The following ARRB1 variants were observed in gnomAD, a reference collection of about 807,000 sequenced individuals.
ARRB1 encodes the protein beta-arrestin-1.
In ARRB1, 21 loss-of-function variants were observed where a neutral mutation model predicts 56.8. The ratio of observed to expected loss-of-function variants is 0.37; its 90% CI spans 0.26 to 0.53. ARRB1 has a LOEUF of 0.53. ARRB1 is among the 20% of genes least tolerant of loss of function. The probability of loss-of-function intolerance (pLI) is 0.88; values close to 1 mark genes in which losing one functional copy is unlikely to be tolerated. For synonymous variants in ARRB1, 210 were observed against 218.6 expected (o/e 0.96, Z 0.35); for missense variants, 424 against 553.7 (o/e 0.77, Z 2.35).
At chr11:75,296,140 C>T (rs146156577) in intron 1 of ARRB1, among the ~76,000 whole-genome samples, 45 of 139,818 alleles carry the variant, frequency 3.2e-4, no homozygotes, top group African/African-American at 1.2e-3. Flanking sequence ...AAGCTGAGAT[C>T]GCACCACTGC....
intron 1 of ARRB1, among the ~76,000 whole-genome samples, chr11:75,296,533 C>T (rs1234891314): frequency 6.6e-6 from 1 of 152,182 alleles, no homozygotes; most frequent in African/African-American, 2.4e-5. Flanking sequence ...CACTGCTCTT[C>T]TGTGAGCCAT....
intron 1 of ARRB1, among the ~76,000 whole-genome samples, chr11:75,342,747 G>A (rs1029295171): frequency 3.9e-5 from 6 of 152,158 alleles, no homozygotes; most frequent in East Asian, 3.9e-4. Flanking sequence ...CTCCGTGGCC[G>A]GGGCACCTAT....
chr11:75,274,518 G>A (rs970549833), intron 10 of ARRB1: 35 of 259,024 alleles, frequency 1.4e-4, no homozygotes, highest in Non-Finnish European at 2.5e-4. Context: ...CCAGCCGGGT[G>A]CAGTGGCTCA....
At chr11:75,293,847 T>C (rs966334206) in intron 1 of ARRB1, among the ~76,000 whole-genome samples, 2 of 152,264 alleles carry the variant, frequency 1.3e-5, no homozygotes, top group African/African-American at 4.8e-5. Flanking sequence ...GCAGTCTCAC[T>C]CTCTCTGCAC....
chr11:75,336,742 C>T (rs962252003), intron 1 of ARRB1, among the ~76,000 whole-genome samples: 5 of 152,146 alleles, frequency 3.3e-5, no homozygotes, highest in African/African-American at 1.2e-4. Context: ...AACTTCCAGT[C>T]GGAGAGTGGC....
chr11:75,262,292 C>T lies in ARRB1; in HGVS notation c.*3871G>A, dbSNP rs1411089185. The T allele has an allele frequency of 6.6e-6, 1 of 152,212 alleles. No individual in the cohort carries two copies. The highest frequency in any genetic ancestry group is 1.5e-5 in the Non-Finnish European group (1 of 68,056). The allele number at this position is 152,212 out of a possible 1,614,324, so 9.4% of individuals were successfully genotyped here. On this transcript the variant is annotated 3_prime_UTR_variant, in exon 16 of 16. Transcript: ENST00000420843. ...GGTCTGAGAGATGGGAGATGTGACA[C>T]CAGGCCTAGGAGGGTCCAAGATGTC...
At chr11:75,348,229 A>T (rs1947801300) in intron 1 of ARRB1, among the ~76,000 whole-genome samples, 2 of 152,134 alleles carry the variant, frequency 1.3e-5, no homozygotes, top group South Asian at 4.1e-4. Context: ...GCCACTGCAC[A>T]TTCTGCACCC....
In ARRB1 at chr11:75,287,214, G is replaced by A. The variant is rs562314597; in HGVS notation, c.112+101C>T. ...CTGAAGCAGGAAGCCATTCACCCCC[G>A]TTCTTGGCACCGGGCCCCTCTGGAG... On this transcript the variant is annotated intron_variant, in intron 3 of 15. Coordinates refer to ENST00000420843, the MANE Select transcript of ARRB1 (RefSeq NM_004041.5). 73 of 1,276,222 alleles carry A rather than the reference G, an allele frequency of 5.7e-5. No individual in the cohort carries two copies. In the East Asian group the frequency reaches 6.2e-4, roughly 11 times the overall value. 79.1% of individuals were successfully genotyped at this position (1,276,222 alleles called of 1,614,324 possible).
chr11:75,262,906 C>T lies in ARRB1; in HGVS notation c.*3257G>A, dbSNP rs1945829937. ...TGAGCTTTGAGGCTGAGGAGAGGTG[C>T]AGCCAAATAACTCAGTCCTTATCTT... On this transcript the variant is annotated 3_prime_UTR_variant, in exon 16 of 16. Transcript: ENST00000420843. 6.6e-6 allele frequency among the ~76,000 whole-genome samples: 1 copy of T among 152,220 alleles called. No individual in the cohort carries two copies. The highest frequency in any genetic ancestry group is 2.1e-4 in the South Asian group (1 of 4,836).
chr11:75,291,761 G>A lies in ARRB1; in HGVS notation c.21-1722C>T, dbSNP rs34279285. On this transcript the variant is annotated intron_variant, in intron 1 of 15. Transcript: ENST00000420843. The stretch of plus-strand genomic sequence containing the variant: ...ATAGGGACACAGGCCCTGGACGGGC[G>A]AAAATAAAAGATGGAATAAGAGAGG... Among the ~76,000 whole-genome samples the A allele has an allele frequency of 8.5e-3, 1,297 of 152,278 alleles. 10 individuals carry two copies. Among genetic ancestry groups the A allele is most frequent in the African/African-American group, 0.03 (1,242 of 41,554 alleles).
intron 1 of ARRB1, among the ~76,000 whole-genome samples, chr11:75,311,010 A>G (rs1233900727): frequency 6.6e-6 from 1 of 152,178 alleles, no homozygotes; most frequent in Non-Finnish European, 1.5e-5. Flanking sequence ...ACCAATACCC[A>G]GCCTACCAAA....
chr11:75,309,931 C>T (rs1454568416), intron 1 of ARRB1, among the ~76,000 whole-genome samples: 1 of 152,222 alleles, frequency 6.6e-6, no homozygotes, highest in East Asian at 1.9e-4. Context: ...ATGCAACCCC[C>T]AAACCTTCCA....
At chr11:75,284,319 G>A in intron 3 of ARRB1, 40 bp from the exon 4 acceptor site, 2 of 1,569,936 alleles carry the variant, frequency 1.3e-6, no homozygotes, top group Admixed American at 1.8e-5. Flanking sequence ...CTCCCAACCT[G>A]GTCTCCCAAA....
Position 75,284,183 on chromosome 11 carries a change from G to C in ARRB1, c.157+52C>G, listed in dbSNP as rs562752739. On this transcript the variant is annotated intron_variant, in intron 4 of 15. Transcript: ENST00000420843. ...AGGGAGTTCCTATGCTAGAGGTCCG[G>C]GGGGAAGAGGAGGCGGCCCTTGACA... The C allele has an allele frequency of 6.4e-6, 10 of 1,556,784 alleles. No individual in the cohort carries two copies. In the African/African-American group the frequency reaches 1.2e-4, roughly 19 times the overall value.
At chr11:75,292,504 TA>T (rs1946634463) in intron 1 of ARRB1, among the ~76,000 whole-genome samples, 1 of 152,158 alleles carries the variant, frequency 6.6e-6, no homozygotes, top group South Asian at 2.1e-4. Context: ...TGGGGTGTGA[TA>T]ATTGCTAAAG....
At chr11:75,292,085 C>T (rs1370295070) in intron 1 of ARRB1, among the ~76,000 whole-genome samples, 5 of 152,198 alleles carry the variant, frequency 3.3e-5, no homozygotes, top group African/African-American at 1.2e-4. Flanking sequence ...TGGCACATCC[C>T]GCCCCACCTC....
At chr11:75,270,015 A>C (rs948448419) in intron 13 of ARRB1, among the ~76,000 whole-genome samples, 1 of 152,232 alleles carries the variant, frequency 6.6e-6, no homozygotes, top group Non-Finnish European at 1.5e-5. Flanking sequence ...CAGGGAATGG[A>C]GTGGTCAGAG....
At chr11:75,324,932 C>T (rs984872728) in intron 1 of ARRB1, among the ~76,000 whole-genome samples, 33 of 152,056 alleles carry the variant, frequency 2.2e-4, no homozygotes, top group African/African-American at 7.7e-4. Flanking sequence ...ACATGGGGAC[C>T]CAGGGCTGGT....
intron 1 of ARRB1, among the ~76,000 whole-genome samples, chr11:75,344,440 C>G (rs918040140): frequency 6.6e-6 from 1 of 152,196 alleles, no homozygotes; most frequent in African/African-American, 2.4e-5. Flanking sequence ...AATAAGTAAG[C>G]AGTAGAGCAT....
Sources: gnomAD v4.1 joint callset for allele counts (sites outside exome capture counted in the v4.1 genomes callset) on GRCh38, gnomAD v4.1.1 for gene constraint, MANE v1.5 for transcripts, NCBI Gene and HGNC (gene_info 2026-07-23, HGNC 2026-07-21) for gene names.